CSMD3: variants seen among roughly 807,000 people sequenced by gnomAD.
CSMD3 encodes the protein CUB and sushi domain-containing protein 3.
Under a neutral mutation model 435.2 loss-of-function variants are expected in CSMD3, and 177 were observed. The observed-to-expected ratio is 0.41, with a 90% CI of 0.36 to 0.46. CSMD3 has a LOEUF of 0.46. CSMD3 is among the 20% of genes least tolerant of loss of function. The probability of loss-of-function intolerance (pLI) is 0.34; values close to 1 mark genes in which losing one functional copy is unlikely to be tolerated. For missense variants in CSMD3, 4,265 were observed against 4,504.6 expected (o/e 0.95, Z 1.52); for synonymous variants, 1,656 against 1,520.5 (o/e 1.09, Z -2.07).
chr8:112,641,675 A>C (rs2131599522), intron 20 of CSMD3, among the ~76,000 whole-genome samples: 1 of 152,072 alleles, frequency 6.6e-6, no homozygotes, highest in African/African-American at 2.4e-5. Context: ...CAACTCTACA[A>C]AAAAATACAA....
chr8:112,526,360 G>A (rs1824962501), intron 27 of CSMD3, among the ~76,000 whole-genome samples: 3 of 151,822 alleles, frequency 2.0e-5, no homozygotes, highest in African/African-American at 7.3e-5. Context: ...GGCATACTAT[G>A]TTCTTTTATT....
chr8:113,024,182 G>C (rs1009326874), intron 5 of CSMD3, among the ~76,000 whole-genome samples: 1 of 151,886 alleles, frequency 6.6e-6, no homozygotes, highest in East Asian at 1.9e-4. Context: ...TTATCTTTCT[G>C]TTTCTGACTT....
At position 112,244,517 on chromosome 8, in the gene CSMD3, G is replaced by A. The variant is rs1343611616; in HGVS notation, c.10279C>T (p.Leu3427Phe). The change falls in exon 65 of 71, where the codon CTT (leucine) becomes TTT (phenylalanine). Residue 3427 changes from leucine (L) to phenylalanine (F), a missense_variant. Transcript: ENST00000297405. ...PAHANVVGMD[L>F]PSHGYTLIYT... is the part of the protein sequence containing the mutation. Reference sequence around the variant, plus strand: ...ATCAGTGTATACCCATGAGATGGAAGGTCCATCCCTACGACATTTGCATGA... The same window carrying A: ...ATCAGTGTATACCCATGAGATGGAAAGTCCATCCCTACGACATTTGCATGA... 6.2e-7 allele frequency: 1 copy of A among 1,613,544 alleles called. No individual in the cohort carries two copies.
At chr8:112,672,075 A>G (rs1490502132) in intron 16 of CSMD3, among the ~76,000 whole-genome samples, 1 of 152,132 alleles carries the variant, frequency 6.6e-6, no homozygotes, top group Non-Finnish European at 1.5e-5. Context: ...TACAGTTAAC[A>G]TGAAACATGA....
intron 6 of CSMD3, among the ~76,000 whole-genome samples, chr8:112,977,343 G>C (rs961385450): frequency 6.6e-6 from 1 of 151,660 alleles, no homozygotes; most frequent in Non-Finnish European, 1.5e-5. Context: ...ACTTTTCTTC[G>C]CAACATTTCA....
chr8:112,917,230 A>G (rs1222484680), intron 10 of CSMD3, among the ~76,000 whole-genome samples: 1 of 151,990 alleles, frequency 6.6e-6, no homozygotes, highest in Non-Finnish European at 1.5e-5. Flanking sequence ...TTGTTGAAGA[A>G]GCAAGTCTAC....
intron 13 of CSMD3, among the ~76,000 whole-genome samples, chr8:112,775,247 C>T (rs1563948132): frequency 6.6e-6 from 1 of 151,670 alleles, no homozygotes; most frequent in Non-Finnish European, 1.5e-5. Context: ...AATGGGTATA[C>T]ATTTTTATTT....
At chr8:113,089,798 T>G (rs1201398512) in intron 5 of CSMD3, among the ~76,000 whole-genome samples, 7 of 152,108 alleles carry the variant, frequency 4.6e-5, no homozygotes, top group Non-Finnish European at 8.8e-5. Flanking sequence ...TCTCGAGAAC[T>G]GAAAATTCCA....
intron 58 of CSMD3, 107 bp downstream of exon 58, chr8:112,286,957 A>G: frequency 2.3e-6 from 2 of 862,040 alleles, no homozygotes; most frequent in Non-Finnish European, 4.0e-6. Context: ...TCATAGTTGC[A>G]GGCAGAATAA....
chr8:112,265,898 C>T (rs1177576203), intron 59 of CSMD3, among the ~76,000 whole-genome samples: 1 of 151,868 alleles, frequency 6.6e-6, no homozygotes, highest in African/African-American at 2.4e-5. Flanking sequence ...ACTATAAGAC[C>T]ACAGAGAAAA....
intron 3 of CSMD3, among the ~76,000 whole-genome samples, chr8:113,243,047 A>T (rs2132254604): frequency 6.6e-6 from 1 of 152,120 alleles, no homozygotes; most frequent in South Asian, 2.1e-4. Flanking sequence ...ATTTGAAGTT[A>T]TTAAAGCAAT....
chr8:113,422,547 T>A (rs1360001035), intron 1 of CSMD3, among the ~76,000 whole-genome samples: 1 of 152,116 alleles, frequency 6.6e-6, no homozygotes, highest in East Asian at 1.9e-4. Flanking sequence ...TTTGGGGCCA[T>A]GTAGAATTTC....
At chr8:112,806,827 G>A (rs1323539650) in intron 12 of CSMD3, among the ~76,000 whole-genome samples, 1 of 152,030 alleles carries the variant, frequency 6.6e-6, no homozygotes, top group African/African-American at 2.4e-5. Flanking sequence ...AGTCATACAA[G>A]GAAAAAAGCC....
rs566654180 is a variant in CSMD3, at chr8:113,322,191, G to A, written c.179-7398C>T. On this transcript the variant is annotated intron_variant, in intron 1 of 70. Transcript: ENST00000297405. ...ATTACTCATCAAAGTAACCATTATC[G>A]CCTCAGATTTGTGTAATTTTCTAAA... Among the ~76,000 whole-genome samples, 18 of 151,728 alleles carry A rather than the reference G, an allele frequency of 1.2e-4. No homozygotes were observed. In the South Asian group the frequency reaches 2.3e-3, roughly 19 times the overall value.
chr8:112,342,991 A>ATATT (rs1825295402), intron 41 of CSMD3, among the ~76,000 whole-genome samples: 2 of 41,114 alleles, frequency 4.9e-5, no homozygotes, highest in African/African-American at 1.2e-4. Context: ...ATATATTTAT[A>ATATT]TATATATATT....
intron 38 of CSMD3, among the ~76,000 whole-genome samples, chr8:112,358,084 A>G (rs546065659): frequency 6.6e-6 from 1 of 152,322 alleles, no homozygotes; most frequent in South Asian, 2.1e-4. Flanking sequence ...TACCTCTTAC[A>G]TCAGGATGAC....
intron 11 of CSMD3, among the ~76,000 whole-genome samples, chr8:112,850,972 T>G (rs2080466336): frequency 6.6e-6 from 1 of 152,062 alleles, no homozygotes; most frequent in Admixed American, 6.6e-5. Context: ...AAATAATGAG[T>G]TTTGTGTAGT....
chr8:113,286,774 T>G (rs528576043), intron 2 of CSMD3, among the ~76,000 whole-genome samples: 4 of 152,034 alleles, frequency 2.6e-5, no homozygotes, highest in Admixed American at 1.3e-4. Context: ...TAAAATGTTA[T>G]TTAAAGAATG....
intron 6 of CSMD3, among the ~76,000 whole-genome samples, chr8:112,998,903 C>T (rs564022850): frequency 6.6e-6 from 1 of 152,074 alleles, no homozygotes; most frequent in African/African-American, 2.4e-5. Context: ...CTTTCAATGA[C>T]TGTAAGTTTC....
Sources: allele counts gnomAD v4.1 joint callset (sites outside exome capture counted in the v4.1 genomes callset), GRCh38; gene constraint gnomAD v4.1.1; transcripts MANE v1.5; gene names NCBI Gene and HGNC (gene_info 2026-07-23, HGNC 2026-07-21).